Variants in EME2 observed in about 807,000 individuals in gnomAD.
EME2 encodes the protein structure-specific endonuclease subunit EME2.
In EME2, 58 loss-of-function variants were observed where a neutral mutation model predicts 41.9. That is an observed-to-expected ratio of 1.38 (90% CI 1.12 to 1.72). The LOEUF (loss-of-function observed/expected upper bound fraction) is 1.72, where lower values mean the gene tolerates loss of function less well. EME2 is among the 40% of genes most tolerant of loss of function. The pLI, the probability that EME2 is intolerant of heterozygous loss-of-function variation, is 0.00. For synonymous variants in EME2, 334 were observed against 239.3 expected (o/e 1.40, Z -3.65); for missense variants, 695 against 541.9 (o/e 1.28, Z -2.81).
In EME2 at chr16:1,774,245, C is replaced by T. The variant is rs757865303; in HGVS notation, c.385-15C>T. On this transcript the variant is annotated splice_polypyrimidine_tract_variant and intron_variant, in intron 2 of 7. Coordinates refer to ENST00000568449, the MANE Select transcript of EME2 (RefSeq NM_001257370.2). ...GGGTTGAGACAGGCAGCAGCGCGTCCCCATGTCCCCACAGCTGCCTCCTGA... is the reference window on the plus strand; with the variant it reads ...GGGTTGAGACAGGCAGCAGCGCGTCTCCATGTCCCCACAGCTGCCTCCTGA... The T allele has an allele frequency of 6.2e-6, 10 of 1,610,116 alleles. No homozygotes were observed. In the African/African-American group the frequency reaches 8.0e-5, roughly 13 times the overall value.
chr16:1,772,850 G>T lies in EME2; in HGVS notation c.-378G>T. ...GCGTGAGGCGCCAGTAGCACGGCTC[G>T]TCGTGCTGCCACAGCCAGGACTTGC... On this transcript the variant is annotated 5_prime_UTR_variant, in exon 1 of 8. Coordinates refer to ENST00000568449, the MANE Select transcript of EME2 (RefSeq NM_001257370.2). 3 of 1,444,116 alleles carry T rather than the reference G, an allele frequency of 2.1e-6. No homozygotes were observed. The highest frequency in any genetic ancestry group is 1.8e-6 in the Non-Finnish European group (2 of 1,103,608). The allele number at this position is 1,444,116 out of a possible 1,614,324, so 89.5% of individuals were successfully genotyped here.
At chr16:1,774,013 T>C (rs552104285) in intron 2 of EME2, among the ~76,000 whole-genome samples, 172 bp downstream of exon 2, 1 of 152,368 alleles carries the variant, frequency 6.6e-6, no homozygotes, top group Non-Finnish European at 1.5e-5. Flanking sequence ...TCTGCTGGTA[T>C]AGAGCCGAGC....
chr16:1,777,273 C>T lies in EME2; in HGVS notation c.*1035C>T, dbSNP rs774915721. The T allele has an allele frequency of 1.9e-6, 3 of 1,610,540 alleles. No individual in the cohort carries two copies. The highest frequency in any genetic ancestry group is 2.2e-5 in the East Asian group (1 of 44,882). ...TTGAGGCCCGGCGGCAGCGGCAGAC[C>T]CTCCAGCGTGTCTCCCGAGTCTGGC... On this transcript the variant is annotated 3_prime_UTR_variant, in exon 8 of 8. Transcript: ENST00000568449.
In EME2 at chr16:1,772,923, T is replaced by G. The variant is rs548748973; in HGVS notation, c.-305T>G. The G allele has an allele frequency of 2.2e-5, 32 of 1,447,720 alleles. No homozygotes were observed. The South Asian group carries it at 4.2e-4, about 19-fold the overall frequency. 89.7% of individuals were successfully genotyped at this position (1,447,720 alleles called of 1,614,324 possible). ...GAAGAGCGGGAGGCGGCCGAGCAGC[T>G]GCAAGAGGCGGCTCTCGCGGCGCAC... is the stretch of plus-strand genomic sequence containing the variant. On this transcript the variant is annotated 5_prime_UTR_variant, in exon 1 of 8. Coordinates refer to ENST00000568449, the MANE Select transcript of EME2 (RefSeq NM_001257370.2).
intron 2 of EME2, among the ~76,000 whole-genome samples, 177 bp from the exon 3 acceptor site, chr16:1,774,083 G>C (rs1208945283): frequency 2.0e-5 from 3 of 152,270 alleles, no homozygotes; most frequent in Non-Finnish European, 4.4e-5. Flanking sequence ...CAGCCACAGA[G>C]ACCTGGCCTG....
chr16:1,775,564 C>A lies in EME2; in HGVS notation c.664-5C>A. On this transcript the variant is annotated splice_polypyrimidine_tract_variant and splice_region_variant and intron_variant, in intron 5 of 7. Transcript: ENST00000568449. ...CTCGTGCCCATCAGCTTGCCTCCTC[C>A]CCAGGCCCTGGTACTCCTGCAGCTC... 1 of 1,612,812 alleles carries A rather than the reference C, an allele frequency of 6.2e-7. No individual in the cohort carries two copies. The highest frequency in any genetic ancestry group is 8.5e-7 in the Non-Finnish European group (1 of 1,179,850).
chr16:1,776,408 A>T lies in EME2; in HGVS notation c.*170A>T. The stretch of plus-strand genomic sequence containing the variant: ...GGTGGTTGCAGGGGAAGTTTTAGGT[A>T]GCTGGGAGAAGAGGGGCTTCTGGCT... On this transcript the variant is annotated 3_prime_UTR_variant, in exon 8 of 8. Transcript: ENST00000568449. 1 of 583,196 alleles carries T rather than the reference A, an allele frequency of 1.7e-6. No homozygotes were observed. 36.1% of individuals were successfully genotyped at this position (583,196 alleles called of 1,614,324 possible).
At position 1,775,587 on chromosome 16, in the gene EME2, C is replaced by T; in HGVS notation, c.682C>T (p.Leu228Phe). The T allele has an allele frequency of 6.2e-7, 1 of 1,612,952 alleles. No homozygotes were observed. Among genetic ancestry groups the T allele is most frequent in the Non-Finnish European group, 8.5e-7 (1 of 1,180,006 alleles). Residue 228 changes from leucine to phenylalanine, a missense_variant, in exon 6 of 8, where the codon CTC becomes TTC. Physicochemically the swap from Leu to Phe is conservative, Grantham distance 22. Coordinates refer to ENST00000568449, the MANE Select transcript of EME2 (RefSeq NM_001257370.2). ...EVEEALVLLQ[L>F]WANLDVLLVA... Reference sequence around the variant, plus strand: ...TCCCCAGGCCCTGGTACTCCTGCAGCTCTGGGCAAACCTGGACGTGCTACT... The same window carrying T: ...TCCCCAGGCCCTGGTACTCCTGCAGTTCTGGGCAAACCTGGACGTGCTACT...
chr16:1,775,951 G>C lies in EME2; in HGVS notation c.934G>C (p.Val312Leu). 1.2e-6 allele frequency: 2 copies of C among 1,611,248 alleles called. No homozygotes were observed. Among genetic ancestry groups the C allele is most frequent in the South Asian group, 1.1e-5 (1 of 91,040 alleles). The stretch of plus-strand genomic sequence containing the variant: ...CAGCCCAGCCGTGGCTGATGCAGTT[G>C]TCACAGCCTTCCCCTCCCCCCGCCT... ...RVSPAVADAV[V>L]TAFPSPRLLQ... The change falls in exon 7 of 8, where the codon GTC (valine) becomes CTC (leucine). Residue 312 changes from valine (V) to leucine (L), a missense_variant. By Grantham distance (32) the Val-to-Leu change is conservative (BLOSUM62 1). Transcript: ENST00000568449.
Position 1,781,082 on chromosome 16 carries a change from T to C in EME2, c.*4844T>C. Reference sequence around the variant, plus strand: ...TGAACCAAAAGCAACTGCCAACCTCTCCATGCACCATGTGTTTCAGAGGAG... The same window carrying C: ...TGAACCAAAAGCAACTGCCAACCTCCCCATGCACCATGTGTTTCAGAGGAG... On this transcript the variant is annotated 3_prime_UTR_variant, in exon 8 of 8. Transcript: ENST00000568449. 8.0e-7 allele frequency: 1 copy of C among 1,245,620 alleles called. No individual in the cohort carries two copies. Among genetic ancestry groups the C allele is most frequent in the East Asian group, 3.1e-5 (1 of 32,410 alleles). The allele number at this position is 1,245,620 out of a possible 1,614,324, so 77.2% of individuals were successfully genotyped here.
In EME2 at chr16:1,777,934, G is replaced by A; in HGVS notation, c.*1696G>A. 6.2e-7 allele frequency: 1 copy of A among 1,612,416 alleles called. No individual in the cohort carries two copies. The highest frequency in any genetic ancestry group is 8.5e-7 in the Non-Finnish European group (1 of 1,179,836). ...CCAGGCTCGGCCCCGCCCCACCCTGGGCCTCACGCACCCGTGTAGGAGAGG... is the reference window on the plus strand; with the variant it reads ...CCAGGCTCGGCCCCGCCCCACCCTGAGCCTCACGCACCCGTGTAGGAGAGG... On this transcript the variant is annotated 3_prime_UTR_variant, in exon 8 of 8. Transcript: ENST00000568449.
chr16:1,773,932 C>T lies in EME2; in HGVS notation c.384+91C>T, dbSNP rs980373995. 7 of 1,406,956 alleles carry T rather than the reference C, an allele frequency of 5.0e-6. No homozygotes were observed. The African/African-American group carries it at 5.8e-5, about 12-fold the overall frequency. The allele number at this position is 1,406,956 out of a possible 1,614,324, so 87.2% of individuals were successfully genotyped here. On this transcript the variant is annotated intron_variant, in intron 2 of 7. Coordinates refer to ENST00000568449, the MANE Select transcript of EME2 (RefSeq NM_001257370.2). ...CTGGAGCTGTCCCTGAGGCAGCTGCCCTGGGCCGTGCGCGTCTCGCGGATG... is the reference window on the plus strand; with the variant it reads ...CTGGAGCTGTCCCTGAGGCAGCTGCTCTGGGCCGTGCGCGTCTCGCGGATG...
At chr16:1,774,083 G>A (rs1208945283) in intron 2 of EME2, among the ~76,000 whole-genome samples, 177 bp from the exon 3 acceptor site, 1 of 152,270 alleles carries the variant, frequency 6.6e-6, no homozygotes, top group African/African-American at 2.4e-5. Context: ...CAGCCACAGA[G>A]ACCTGGCCTG....
At position 1,776,876 on chromosome 16, in the gene EME2, G is replaced by C. The variant is rs1049487852; in HGVS notation, c.*638G>C. ...GTCCTCGCAGCCTCCCACAAGACCT[G>C]GGGCTCAGGGCAGCCGCTTCCCCAC... is the stretch of plus-strand genomic sequence containing the variant. On this transcript the variant is annotated 3_prime_UTR_variant, in exon 8 of 8. Coordinates refer to ENST00000568449, the MANE Select transcript of EME2 (RefSeq NM_001257370.2). 12 of 577,536 alleles carry C rather than the reference G, an allele frequency of 2.1e-5. No individual in the cohort carries two copies. In the African/African-American group the frequency reaches 2.3e-4, roughly 11 times the overall value. 35.8% of individuals were successfully genotyped at this position (577,536 alleles called of 1,614,324 possible). A position where few individuals can be genotyped will look rare whatever the true frequency, so the allele number is the denominator to read the frequency against.
At chr16:1,775,290 G>T (rs773560353) in intron 4 of EME2, 25 bp from the exon 5 acceptor site, 3 of 1,608,382 alleles carry the variant, frequency 1.9e-6, no homozygotes, top group Non-Finnish European at 8.5e-7. Flanking sequence ...ATGGGGAGCG[G>T]GGAGGAATGG....
chr16:1,778,877 T>G lies in EME2; in HGVS notation c.*2639T>G. Reference sequence around the variant, plus strand: ...GGCTGCCTGGCCTCCAAGTGGTTTCTAGACGGTGGATAAGCCCCAGGTCCA... The same window carrying G: ...GGCTGCCTGGCCTCCAAGTGGTTTCGAGACGGTGGATAAGCCCCAGGTCCA... On this transcript the variant is annotated 3_prime_UTR_variant, in exon 8 of 8. Transcript: ENST00000568449. The G allele has an allele frequency of 2.6e-6, 1 of 387,222 alleles. No homozygotes were observed. The highest frequency in any genetic ancestry group is 4.6e-6 in the Non-Finnish European group (1 of 217,108). 24.0% of individuals were successfully genotyped at this position (387,222 alleles called of 1,614,324 possible). A position where few individuals can be genotyped will look rare whatever the true frequency, so the allele number is the denominator to read the frequency against.
rs1035620741 is a variant in EME2 at position 1,778,707 on chromosome 16, C to T, written c.*2469C>T. 4.3e-6 allele frequency: 6 copies of T among 1,405,262 alleles called. No individual in the cohort carries two copies. In the African/African-American group the frequency reaches 8.6e-5, roughly 20 times the overall value. 87.0% of individuals were successfully genotyped at this position (1,405,262 alleles called of 1,614,324 possible). A position where few individuals can be genotyped will look rare whatever the true frequency, so the allele number is the denominator to read the frequency against. On this transcript the variant is annotated 3_prime_UTR_variant, in exon 8 of 8. Transcript: ENST00000568449. ...CTGTCCCACCCTGTCCCTGACCCAC[C>T]CAGGAAAGGATGGGGGTCCAGGCCT...
rs1481002831 is a variant in EME2, at chr16:1,773,306, C to A, written c.79C>A (p.Arg27=). The A allele has an allele frequency of 6.7e-7, 1 of 1,494,424 alleles. No individual in the cohort carries two copies. The highest frequency in any genetic ancestry group is 1.3e-5 in the South Asian group (1 of 78,680). The allele number at this position is 1,494,424 out of a possible 1,614,324, so 92.6% of individuals were successfully genotyped here. A position where few individuals can be genotyped will look rare whatever the true frequency, so the allele number is the denominator to read the frequency against. Residue 27 remains arginine (R), a synonymous_variant, in exon 1 of 8, where the codon CGA becomes AGA. Coordinates refer to ENST00000568449, the MANE Select transcript of EME2 (RefSeq NM_001257370.2). ...GGGACGGGGCGGGAGCGGTCAGCGG[C>A]GACCTCCAACCTGGGAGATCTCAGA... is the stretch of plus-strand genomic sequence containing the variant. The part of the protein sequence containing the change: ...GRGRGGSGQR[R]PPTWEISDSD...
Position 1,777,346 on chromosome 16 carries a change from G to T in EME2, c.*1108G>T. 6.2e-7 allele frequency: 1 copy of T among 1,607,648 alleles called. No individual in the cohort carries two copies. ...AGCACAGGTACTGGAGGGAAGTGGC[G>T]CTGGCACAGGAGCGGGTGACCTTCA... On this transcript the variant is annotated 3_prime_UTR_variant, in exon 8 of 8. Transcript: ENST00000568449.
Sources: allele counts gnomAD v4.1 joint callset (sites outside exome capture counted in the v4.1 genomes callset), GRCh38; gene constraint gnomAD v4.1.1; transcripts MANE v1.5; gene names NCBI Gene and HGNC (gene_info 2026-07-23, HGNC 2026-07-21).